Variants in EBAG9 observed in about 807,000 individuals in gnomAD.
EBAG9 encodes the protein estrogen receptor binding site associated antigen 9, also known as receptor-binding cancer antigen expressed on SiSo cells.
A neutral mutation model predicts 30.9 loss-of-function variants in EBAG9; 16 were observed. That is an observed-to-expected ratio of 0.52 (90% confidence interval 0.35 to 0.79). The LOEUF (loss-of-function observed/expected upper bound fraction) is 0.79, where lower values mean the gene tolerates loss of function less well. Ranked by LOEUF, EBAG9 falls within the 30% of genes least tolerant of loss-of-function variation. The pLI is 0.01. For synonymous variants in EBAG9, 93 were observed against 82.8 expected (o/e 1.12, Z -0.67); for missense variants, 197 against 242.1 (o/e 0.81, Z 1.24).
At chr8:109,540,166 G>T, upstream of EBAG9, 1 of 152,532 alleles carries the variant, frequency 6.6e-6, no homozygotes, top group Non-Finnish European at 1.5e-5. Flanking sequence ...GACTGGGAGC[G>T]GGACCCAGGC....
chr8:109,548,887 CTTT>C (rs548152043), intron 1 of EBAG9, among the ~76,000 whole-genome samples: 2 of 125,112 alleles, frequency 1.6e-5, no homozygotes, highest in Non-Finnish European at 3.4e-5. Flanking sequence ...TTTCTTTTTT[CTTT>C]TTTTTTTTTT....
At position 109,550,718 on chromosome 8, in the gene EBAG9, A is replaced by T. The variant is rs147063625; in HGVS notation, c.-15-92A>T. ...TAGAGAAAGGTAAAAAATATCTTAG[A>T]TTTTTCTTAGTGCATAATAGGTCTT... is the stretch of plus-strand genomic sequence containing the variant. On this transcript the variant is annotated intron_variant, in intron 1 of 6. Coordinates refer to ENST00000337573, the MANE Select transcript of EBAG9 (RefSeq NM_004215.5). 150 of 693,620 alleles carry T rather than the reference A, an allele frequency of 2.2e-4. 1 individual carries two copies. The highest frequency in any genetic ancestry group is 3.5e-4 in the Non-Finnish European group (138 of 397,514). The allele number at this position is 693,620 out of a possible 1,614,324, so 43.0% of individuals were successfully genotyped here.
intron 5 of EBAG9, among the ~76,000 whole-genome samples, chr8:109,559,646 T>TA (rs1220495874): frequency 6.6e-6 from 1 of 151,744 alleles, no homozygotes; most frequent in East Asian, 1.9e-4. Context: ...ACCTCATCTC[T>TA]AAAAAAATGT....
intron 2 of EBAG9, among the ~76,000 whole-genome samples, chr8:109,553,026 T>TA (rs1369575154): frequency 6.6e-6 from 1 of 151,976 alleles, no homozygotes; most frequent in Non-Finnish European, 1.5e-5. Flanking sequence ...GAATCTGTAA[T>TA]AAAAATAGCT....
At chr8:109,554,678 G>T (rs1488091503) in intron 3 of EBAG9, 51 bp from the exon 4 acceptor site, 1 of 1,560,610 alleles carries the variant, frequency 6.4e-7, no homozygotes, top group Non-Finnish European at 8.7e-7. Flanking sequence ...TCAATGATGT[G>T]TTCATTAAGT....
chr8:109,549,577 C>A (rs1180379256), intron 1 of EBAG9, among the ~76,000 whole-genome samples: 1 of 151,970 alleles, frequency 6.6e-6, no homozygotes, highest in African/African-American at 2.4e-5. Flanking sequence ...GGTTGTTCTT[C>A]TTATGCTTTA....
chr8:109,557,928 T>C (rs1236454038), intron 5 of EBAG9: 1 of 263,898 alleles, frequency 3.8e-6, no homozygotes, highest in East Asian at 1.0e-4. Flanking sequence ...CAGTAAGTTA[T>C]AAGACGGTGA....
chr8:109,547,391 TA>T (rs2131104643), intron 1 of EBAG9, among the ~76,000 whole-genome samples: 1 of 152,302 alleles, frequency 6.6e-6, no homozygotes, highest in South Asian at 2.1e-4. Context: ...AGTAGGTATG[TA>T]ATAATTTCTC....
chr8:109,557,525 T>C (rs1821624002), intron 5 of EBAG9, among the ~76,000 whole-genome samples: 1 of 152,194 alleles, frequency 6.6e-6, no homozygotes, highest in Non-Finnish European at 1.5e-5. Context: ...TGGAGGTTTT[T>C]TAAAAGCACA....
chr8:109,544,783 T>C (rs756331228), intron 1 of EBAG9, among the ~76,000 whole-genome samples: 3 of 152,212 alleles, frequency 2.0e-5, no homozygotes, highest in Non-Finnish European at 4.4e-5. Flanking sequence ...CTATCTCTAA[T>C]GGATTAACAG....
intron 1 of EBAG9, among the ~76,000 whole-genome samples, chr8:109,544,383 C>T (rs1173279279): frequency 1.3e-5 from 2 of 152,070 alleles, no homozygotes; most frequent in East Asian, 1.9e-4. Context: ...TTGTATTAAT[C>T]AAGTGTTGTG....
At chr8:109,543,290 A>G (rs903626611) in intron 1 of EBAG9, among the ~76,000 whole-genome samples, 1 of 151,842 alleles carries the variant, frequency 6.6e-6, no homozygotes, top group Non-Finnish European at 1.5e-5. Flanking sequence ...AGTATTGCTA[A>G]GGTAACATTT....
At chr8:109,551,069 C>G (rs1821484531) in intron 2 of EBAG9, among the ~76,000 whole-genome samples, 162 bp downstream of exon 2, 1 of 152,016 alleles carries the variant, frequency 6.6e-6, no homozygotes, top group Non-Finnish European at 1.5e-5. Flanking sequence ...TACTTTTTCT[C>G]TACTTCAGAT....
chr8:109,562,711 C>A (rs1308931257), intron 6 of EBAG9, among the ~76,000 whole-genome samples: 1 of 151,614 alleles, frequency 6.6e-6, no homozygotes, highest in East Asian at 1.9e-4. Context: ...GATTGGGTAT[C>A]CCTTTCCAAA....
At chr8:109,541,075 C>CT (rs1821264841) in intron 1 of EBAG9, among the ~76,000 whole-genome samples, 1 of 152,032 alleles carries the variant, frequency 6.6e-6, no homozygotes, top group Admixed American at 6.5e-5. Context: ...CATGGCAGAG[C>CT]TCTCATTCTT....
At chr8:109,562,552 A>G (rs1244907700) in intron 6 of EBAG9, among the ~76,000 whole-genome samples, 2 of 151,962 alleles carry the variant, frequency 1.3e-5, no homozygotes, top group South Asian at 4.1e-4. Context: ...TGTTGCCACT[A>G]TAAATAATGC....
intron 5 of EBAG9, among the ~76,000 whole-genome samples, chr8:109,558,151 G>T (rs1398704384): frequency 6.6e-6 from 1 of 152,124 alleles, no homozygotes; most frequent in African/African-American, 2.4e-5. Context: ...TTATTTGTTT[G>T]TTTAAACTGC....
Position 109,565,560 on chromosome 8 carries a change from G to A in EBAG9, c.*1001G>A, listed in dbSNP as rs1414482837. ...AATCTTTTATTTATGATGTTGATTG[G>A]CTCCAAAATAGTCTTAAGGAAATAA... On this transcript the variant is annotated 3_prime_UTR_variant, in exon 7 of 7. Transcript: ENST00000337573. 1 of 152,044 alleles carries A rather than the reference G, an allele frequency of 6.6e-6. No homozygotes were observed. The highest frequency in any genetic ancestry group is 1.5e-5 in the Non-Finnish European group (1 of 67,956). The allele number at this position is 152,044 out of a possible 1,614,324, so 9.4% of individuals were successfully genotyped here.
intron 5 of EBAG9, among the ~76,000 whole-genome samples, chr8:109,559,201 A>T (rs939316852): frequency 1.3e-5 from 2 of 152,192 alleles, no homozygotes; most frequent in Non-Finnish European, 2.9e-5. Flanking sequence ...ACATGCCTGT[A>T]ATCTCAGCAC....
Sources: gnomAD v4.1 joint callset for allele counts (sites outside exome capture counted in the v4.1 genomes callset) on GRCh38, gnomAD v4.1.1 for gene constraint, MANE v1.5 for transcripts, NCBI Gene and HGNC (gene_info 2026-07-23, HGNC 2026-07-21) for gene names.